Variants in RNF213 observed in about 807,000 individuals in gnomAD.
RNF213 encodes the protein E3 ubiquitin-protein ligase RNF213.
RNF213 carries 341 observed loss-of-function variants against 514.4 expected under a neutral mutation model. The observed-to-expected ratio is 0.66, with a 90% confidence interval of 0.61 to 0.73. The LOEUF is 0.73. RNF213 is among the 30% of genes least tolerant of loss of function. The pLI is 0.00. For synonymous variants in RNF213, 2,655 were observed against 2,658.2 expected (o/e 1.00, Z 0.04); for missense variants, 5,767 against 6,615.6 (o/e 0.87, Z 4.45).
At position 80,393,736 on chromosome 17, in the gene RNF213, C is replaced by A. The variant is rs543180872; in HGVS notation, c.*238C>A. On this transcript the variant is annotated 3_prime_UTR_variant, in exon 68 of 68. Transcript: ENST00000582970. ...TTCTCATCATTTTATGAGTACTGTT[C>A]ATTGAGAGATGACAATGAAGATTAG... The A allele has an allele frequency of 1.9e-4, 95 of 504,992 alleles. No individual in the cohort carries two copies. The highest frequency in any genetic ancestry group is 1.7e-3 in the African/African-American group (87 of 51,628). The allele number at this position is 504,992 out of a possible 1,614,324, so 31.3% of individuals were successfully genotyped here. A position where few individuals can be genotyped will look rare whatever the true frequency, so the allele number is the denominator to read the frequency against.
At chr17:80,280,688 C>T (rs761494803) in intron 3 of RNF213, among the ~76,000 whole-genome samples, 3 of 152,124 alleles carry the variant, frequency 2.0e-5, no homozygotes, top group Non-Finnish European at 4.4e-5. Context: ...CTCCTGGGCT[C>T]AAGCAATTCT....
intron 18 of RNF213, among the ~76,000 whole-genome samples, chr17:80,326,215 C>T (rs2046277552): frequency 6.6e-6 from 1 of 152,142 alleles, no homozygotes; most frequent in Non-Finnish European, 1.5e-5. Context: ...GCGCTGACCT[C>T]CCGGGCTCAC....
At chr17:80,279,825 C>A (rs1219726121) in intron 3 of RNF213, among the ~76,000 whole-genome samples, 2 of 152,110 alleles carry the variant, frequency 1.3e-5, no homozygotes, top group African/African-American at 4.8e-5. Flanking sequence ...CTAATAATAT[C>A]AAAAATGAAA....
At chr17:80,315,210 ATGG>A (rs1250908231) in intron 15 of RNF213, among the ~76,000 whole-genome samples, 21 of 2,742 alleles carry the variant, frequency 7.7e-3, no homozygotes, top group Middle Eastern at 0.083. Context: ...AATGGAGGTG[ATGG>A]TGGTGGTGGT....
At chr17:80,381,867 C>A in intron 57 of RNF213, 140 bp downstream of exon 57, 4 of 853,484 alleles carry the variant, frequency 4.7e-6, no homozygotes, top group Non-Finnish European at 7.5e-6. Flanking sequence ...AGAGAACACA[C>A]AGAGAGAAAA....
Position 80,277,197 on chromosome 17 carries a change from A to G in RNF213, c.261+3793A>G, listed in dbSNP as rs115614008. Among the ~76,000 whole-genome samples, 698 of 152,332 alleles carry G rather than the reference A, an allele frequency of 4.6e-3. 5 individuals are homozygous for G. The highest frequency in any genetic ancestry group is 0.016 in the African/African-American group (646 of 41,576). The stretch of plus-strand genomic sequence containing the variant: ...ATGTATGATTCCTTTGATATGAAAT[A>G]TCCACGATAGACTCACCCATGGAGA... On this transcript the variant is annotated intron_variant, in intron 3 of 67. Transcript: ENST00000582970.
At chr17:80,374,435 C>G in intron 49 of RNF213, 23 bp from the exon 50 acceptor site, 1 of 1,614,006 alleles carries the variant, frequency 6.2e-7, no homozygotes, top group Admixed American at 1.7e-5. Flanking sequence ...ATTGTTCACC[C>G]CCAACTAACC....
At chr17:80,265,294 G>A (rs550006488) in intron 2 of RNF213, among the ~76,000 whole-genome samples, 10 of 152,216 alleles carry the variant, frequency 6.6e-5, no homozygotes, top group Admixed American at 2.0e-4. Flanking sequence ...TGATCCACCC[G>A]CCTCGGCCTC....
chr17:80,380,514 A>G (rs548716336), intron 55 of RNF213, among the ~76,000 whole-genome samples: 2 of 152,250 alleles, frequency 1.3e-5, no homozygotes, highest in East Asian at 1.9e-4. Context: ...TCTTAGCCCA[A>G]CCGCTCCTCT....
In RNF213 at chr17:80,350,306, G is replaced by A. The variant is rs2078460429; in HGVS notation, c.10094G>A (p.Cys3365Tyr). The A allele has an allele frequency of 6.3e-7, 1 of 1,596,550 alleles. No individual in the cohort carries two copies. The highest frequency in any genetic ancestry group is 8.6e-7 in the Non-Finnish European group (1 of 1,164,134). The change falls in exon 31 of 68, where the codon TGT becomes TAT. Residue 3365 changes from cysteine to tyrosine, a missense_variant. By Grantham distance (194) the Cys-to-Tyr change is radical (BLOSUM62 -2). Around this residue, in one of 13 missense-constraint regions of RNF213, gnomAD observed 919 missense variants for 1,121.0 expected, o/e 0.82. Coordinates refer to ENST00000582970, the MANE Select transcript of RNF213 (RefSeq NM_001256071.3). ...EYSFLKEVRNCLTNTAKCKIL... is the reference protein window; with the variant it reads ...EYSFLKEVRNYLTNTAKCKIL... ...TAACTTCCCTTTTCTTTCAGAAACT[G>A]TTTAACGAATACAGCCAAATGTAAA...
At position 80,358,277 on chromosome 17, in the gene RNF213, C is replaced by T. The variant is rs1201266655; in HGVS notation, c.10863-11C>T. On this transcript the variant is annotated splice_polypyrimidine_tract_variant and intron_variant, in intron 36 of 67. Coordinates refer to ENST00000582970, the MANE Select transcript of RNF213 (RefSeq NM_001256071.3). Reference sequence around the variant, plus strand: ...TGACCCGTGGTGGCCCATCTCTCTTCTGTGCTGCAGGCACACCCTCTGGAA... The same window carrying T: ...TGACCCGTGGTGGCCCATCTCTCTTTTGTGCTGCAGGCACACCCTCTGGAA... 6.2e-7 allele frequency: 1 copy of T among 1,613,474 alleles called. No homozygotes were observed. The highest frequency in any genetic ancestry group is 1.3e-5 in the African/African-American group (1 of 74,924).
chr17:80,272,090 C>T (rs1182947073), intron 2 of RNF213, among the ~76,000 whole-genome samples: 1 of 151,812 alleles, frequency 6.6e-6, no homozygotes, highest in Non-Finnish European at 1.5e-5. Flanking sequence ...CAAGACCATC[C>T]TGGCCAAGAT....
rs754128760 is a variant in RNF213 at position 80,346,102 on chromosome 17, T to C, written c.7767T>C (p.Ala2589=). The change falls in exon 29 of 68, where the codon GCT becomes GCC. Residue 2589 remains alanine, a synonymous_variant. Transcript: ENST00000582970. This position sits in a 1 kb window ranked among gnomAD's most constrained non-coding sequence, Gnocchi z 8.1. ...VWDFGQLSDV[A]EKLYIQQIVQ... ...ACTTTGGACAACTGAGTGACGTTGC[T>C]GAAAAGCTCTACATCCAGCAGATTG... The C allele has an allele frequency of 1.9e-6, 3 of 1,614,128 alleles. No homozygotes were observed. In the South Asian group the frequency reaches 3.3e-5, roughly 18 times the overall value.
At chr17:80,289,267 G>A (rs957714056) in intron 5 of RNF213, among the ~76,000 whole-genome samples, 14 of 152,204 alleles carry the variant, frequency 9.2e-5, no homozygotes, top group African/African-American at 3.4e-4. Context: ...CATTCTGGCC[G>A]CTGTAAGAAG....
chr17:80,350,449 A>C (rs2078466864), intron 31 of RNF213, 53 bp downstream of exon 31: 1 of 1,166,278 alleles, frequency 8.6e-7, no homozygotes, highest in Non-Finnish European at 1.3e-6. Flanking sequence ...AAAACGTAGG[A>C]AGTCCTAGAG....
At position 80,344,513 on chromosome 17, in the gene RNF213, T is replaced by A. The variant is rs1042117429; in HGVS notation, c.6343-165T>A. On this transcript the variant is annotated intron_variant, in intron 28 of 67. Coordinates refer to ENST00000582970, the MANE Select transcript of RNF213 (RefSeq NM_001256071.3). ...TCCCACAGCAATGCCTTACTTAATG[T>A]GCAAAAGATATGCTGTGGAAAAAAA... 3.9e-5 allele frequency among the ~76,000 whole-genome samples: 6 copies of A among 152,224 alleles called. No homozygotes were observed. The South Asian group carries it at 8.3e-4, about 21-fold the overall frequency.
In RNF213 at chr17:80,306,333, G is replaced by C; in HGVS notation, c.2292G>C (p.Leu764=). ...CTCTCTTCCGGTCCTGGTTTAGTCT[G>C]CTACCTCTGAGTCACCTGGTTATGT... is the stretch of plus-strand genomic sequence containing the variant. ...DEPLFRSWFS[L]LPLSHLVMYM... Residue 764 remains leucine (L), a synonymous_variant, in exon 12 of 68, where the codon CTG becomes CTC. Transcript: ENST00000582970. The C allele has an allele frequency of 6.2e-7, 1 of 1,614,136 alleles. No individual in the cohort carries two copies. Among genetic ancestry groups the C allele is most frequent in the East Asian group, 2.2e-5 (1 of 44,882 alleles).
intron 36 of RNF213, among the ~76,000 whole-genome samples, chr17:80,355,672 A>AT (rs2078767577): frequency 2.8e-4 from 2 of 7,156 alleles, no homozygotes; most frequent in African/African-American, 1.4e-3. Context: ...GGGGGCTTAC[A>AT]GGGGGAAGAA....
In RNF213 at chr17:80,306,431, A is replaced by G; in HGVS notation, c.2390A>G (p.Tyr797Cys). The G allele has an allele frequency of 1.9e-6, 3 of 1,614,070 alleles. No individual in the cohort carries two copies. The highest frequency in any genetic ancestry group is 1.7e-6 in the Non-Finnish European group (2 of 1,180,024). The change falls in exon 12 of 68, where the codon TAC (tyrosine) becomes TGC (cysteine). Residue 797 changes from tyrosine (Y) to cysteine (C), a missense_variant. Tyr to Cys is a radical substitution (Grantham distance 194). This residue lies in a region of RNF213 where 592 missense variants were observed against 673.9 expected (regional missense o/e 0.88). Transcript: ENST00000582970. Reference sequence around the variant, plus strand: ...CTGGACTGTCTTTCAGGGATTTACTACCGGCTTCCGGGACTTGAGCAAGTC... The same window carrying G: ...CTGGACTGTCTTTCAGGGATTTACTGCCGGCTTCCGGGACTTGAGCAAGTC... ...HILDCLSGIY[Y>C]RLPGLEQVLN...
Sources: gnomAD v4.1 joint callset for allele counts (sites outside exome capture counted in the v4.1 genomes callset) on GRCh38, gnomAD v4.1.1 for gene constraint, gnomAD v4.1.1 regional missense constraint, Gnocchi (gnomAD v3.1) non-coding constraint, MANE v1.5 for transcripts, NCBI Gene and HGNC (gene_info 2026-07-23, HGNC 2026-07-21) for gene names.